The following CEP128 variants were observed in gnomAD, a reference collection of about 807,000 sequenced individuals.
CEP128 encodes centrosomal protein 128.
A neutral mutation model predicts 156.7 loss-of-function variants in CEP128; 132 were observed. That is an observed-to-expected ratio of 0.84 (90% CI 0.73 to 0.97). The LOEUF is 0.97. Among genes scored for constraint, CEP128 ranks in the 50% least tolerant of loss-of-function variants. The pLI is 0.00. For synonymous variants in CEP128, 469 were observed against 448.9 expected (o/e 1.04, Z -0.57); for missense variants, 1,252 against 1,281.9 (o/e 0.98, Z 0.36).
intron 9 of CEP128, among the ~76,000 whole-genome samples, chr14:80,853,019 T>C (rs1026296609): frequency 2.6e-4 from 40 of 151,914 alleles, no homozygotes; most frequent in African/African-American, 9.7e-4. Flanking sequence ...TTTAAATCAA[T>C]ATATTTAAAT....
chr14:80,721,450 T>C (rs1897812972), intron 19 of CEP128, among the ~76,000 whole-genome samples: 1 of 152,216 alleles, frequency 6.6e-6, no homozygotes, highest in Non-Finnish European at 1.5e-5. Flanking sequence ...GTAAAATACA[T>C]GCCGGATTTT....
At chr14:80,774,735 A>C (rs1900702422) in intron 16 of CEP128, among the ~76,000 whole-genome samples, 1 of 152,158 alleles carries the variant, frequency 6.6e-6, no homozygotes, top group Admixed American at 6.5e-5. Context: ...TGGAGATGGA[A>C]ATATGACCAA....
At chr14:80,671,738 G>A (rs1361433161) in intron 19 of CEP128, among the ~76,000 whole-genome samples, 3 of 152,028 alleles carry the variant, frequency 2.0e-5, no homozygotes, top group Non-Finnish European at 4.4e-5. Flanking sequence ...TTCCTTTAAT[G>A]AGCCATGGAG....
chr14:80,707,024 G>C (rs1897257351), intron 19 of CEP128, among the ~76,000 whole-genome samples: 1 of 152,138 alleles, frequency 6.6e-6, no homozygotes, highest in Admixed American at 6.6e-5. Flanking sequence ...ATTTGTGACA[G>C]AGATTGTTCA....
intron 19 of CEP128, among the ~76,000 whole-genome samples, chr14:80,651,223 T>C (rs1240373328): frequency 6.6e-6 from 1 of 152,208 alleles, no homozygotes; most frequent in African/African-American, 2.4e-5. Flanking sequence ...TACAGTACTC[T>C]CTGATGGTAG....
chr14:80,782,856 G>A (rs1008736545), intron 15 of CEP128, among the ~76,000 whole-genome samples: 1 of 152,088 alleles, frequency 6.6e-6, no homozygotes. Context: ...GGGTTTCCAA[G>A]ACATCATTCT....
rs139712510 is a variant in CEP128, at chr14:80,705,477, G to C, written c.2806+37598C>G. Among the ~76,000 whole-genome samples, 55 of 152,204 alleles carry C rather than the reference G, an allele frequency of 3.6e-4. 1 individual carries two copies. The highest frequency in any genetic ancestry group is 1.3e-3 in the African/African-American group (54 of 41,534). On this transcript the variant is annotated intron_variant, in intron 19 of 24. Coordinates refer to ENST00000555265, the MANE Select transcript of CEP128 (RefSeq NM_152446.5). Reference sequence around the variant, plus strand: ...AGTCAGACTAATTCACAAAGAATGTGGTGGCTTTACAAACATGTGAAAATC... The same window carrying C: ...AGTCAGACTAATTCACAAAGAATGTCGTGGCTTTACAAACATGTGAAAATC...
At chr14:80,822,748 CA>C in intron 13 of CEP128, 1 of 798,092 alleles carries the variant, frequency 1.3e-6, no homozygotes, top group Non-Finnish European at 2.2e-6. Flanking sequence ...ATGGAGATGC[CA>C]AAACAGACCA....
chr14:80,606,982 T>G, intron 19 of CEP128, among the ~76,000 whole-genome samples: 3 of 151,764 alleles, frequency 2.0e-5, no homozygotes, highest in Middle Eastern at 7.0e-3. Flanking sequence ...TATACATATA[T>G]ATACATACAT....
intron 19 of CEP128, among the ~76,000 whole-genome samples, chr14:80,667,297 C>A (rs893288270): frequency 5.9e-5 from 9 of 152,214 alleles, no homozygotes; most frequent in Non-Finnish European, 8.8e-5. Flanking sequence ...CTTAAAAATG[C>A]GAGCAACAGT....
intron 2 of CEP128, among the ~76,000 whole-genome samples, chr14:80,947,692 CAAAAG>C (rs1287060844): frequency 1.3e-5 from 2 of 152,032 alleles, no homozygotes; most frequent in Non-Finnish European, 2.9e-5. Flanking sequence ...AGATTCCCCC[CAAAAG>C]AAAAGAGATT....
At position 80,858,032 on chromosome 14, in the gene CEP128, T is replaced by C. The variant is rs1040980000; in HGVS notation, c.762+4725A>G. On this transcript the variant is annotated intron_variant, in intron 9 of 24. Coordinates refer to ENST00000555265, the MANE Select transcript of CEP128 (RefSeq NM_152446.5). ...GCTACCAATGACTTTCTTCACAGAA[T>C]TGGAAAAAACTACTTTAAAGTTCAT... Among the ~76,000 whole-genome samples the C allele has an allele frequency of 9.9e-5, 15 of 152,168 alleles. No individual in the cohort carries two copies. In the South Asian group the frequency reaches 1.9e-3, roughly 19 times the overall value.
intron 11 of CEP128, among the ~76,000 whole-genome samples, chr14:80,837,145 C>T (rs1886117979): frequency 6.6e-6 from 1 of 152,174 alleles, no homozygotes. Flanking sequence ...CTTGTATTTT[C>T]AGCACCAATT....
At chr14:80,638,197 A>G (rs1894265862) in intron 19 of CEP128, among the ~76,000 whole-genome samples, 1 of 152,192 alleles carries the variant, frequency 6.6e-6, no homozygotes, top group Non-Finnish European at 1.5e-5. Context: ...TTTACTAAAT[A>G]AAGAACAATG....
intron 2 of CEP128, chr14:80,955,601 G>A (rs1886617910): frequency 1.3e-6 from 2 of 1,562,960 alleles, no homozygotes; most frequent in Non-Finnish European, 1.8e-6. Context: ...GGTCTCCTTT[G>A]GCCTGGGGTA....
chr14:80,677,701 G>A (rs184443986), intron 19 of CEP128, among the ~76,000 whole-genome samples: 1,775 of 151,810 alleles, frequency 0.012, 23 homozygotes, highest in Non-Finnish European at 0.014. Context: ...TATAACTTAT[G>A]GAAGTGTGTT....
intron 13 of CEP128, among the ~76,000 whole-genome samples, chr14:80,828,176 T>C (rs1020515154): frequency 6.8e-6 from 1 of 147,398 alleles, no homozygotes; most frequent in Non-Finnish European, 1.5e-5. Flanking sequence ...CATTCTGGAG[T>C]GCAGTGGTGC....
intron 14 of CEP128, among the ~76,000 whole-genome samples, chr14:80,791,981 C>T (rs1012143390): frequency 1.8e-4 from 28 of 152,204 alleles, no homozygotes; most frequent in African/African-American, 6.5e-4. Flanking sequence ...AATGACAAAG[C>T]ACAAATGATA....
chr14:80,685,865 C>T (rs1359589522), intron 19 of CEP128, among the ~76,000 whole-genome samples: 2 of 151,888 alleles, frequency 1.3e-5, no homozygotes, highest in African/African-American at 4.8e-5. Flanking sequence ...AGGGAAGAAC[C>T]CCTATTCAAT....
Sources: gnomAD v4.1 joint callset for allele counts (sites outside exome capture counted in the v4.1 genomes callset) on GRCh38, gnomAD v4.1.1 for gene constraint, MANE v1.5 for transcripts, NCBI Gene and HGNC (gene_info 2026-07-23, HGNC 2026-07-21) for gene names.